Variants in PTPRA observed in about 807,000 individuals in gnomAD.
PTPRA encodes the protein protein tyrosine phosphatase receptor type A.
A neutral mutation model predicts 104.8 loss-of-function variants in PTPRA; 25 were observed. The observed-to-expected ratio is 0.24, with a 90% CI of 0.17 to 0.33. PTPRA has a LOEUF of 0.33. Ranked by LOEUF, PTPRA falls within the 10% of genes least tolerant of loss-of-function variation. The pLI is 1.00. For synonymous variants in PTPRA, 323 were observed against 368.9 expected (o/e 0.88, Z 1.43); for missense variants, 765 against 1,015.3 (o/e 0.75, Z 3.35).
chr20:2,898,377 G>A (rs1183539817), intron 1 of PTPRA, among the ~76,000 whole-genome samples: 3 of 151,582 alleles, frequency 2.0e-5, no homozygotes, highest in Admixed American at 6.6e-5. Flanking sequence ...ACCGCGCCTG[G>A]CAATTTTTCT....
At chr20:2,865,312 CAA>C in the PTPRA span, 3 of 1,614,182 alleles carry the variant, frequency 1.9e-6, no homozygotes, top group Admixed American at 1.7e-5. The surrounding 1 kb of genome is among the most constrained non-coding windows in gnomAD (Gnocchi z 5.2). Flanking sequence ...GCATCCCTGA[CAA>C]GAGGTAGGTG....
intron 3 of PTPRA, among the ~76,000 whole-genome samples, chr20:2,960,939 T>C (rs891776779): frequency 6.6e-6 from 1 of 152,158 alleles, no homozygotes; most frequent in African/African-American, 2.4e-5. Context: ...AAGTTTCTTC[T>C]ACGTATTTTC....
chr20:2,992,180 C>T (rs930124823), intron 9 of PTPRA, among the ~76,000 whole-genome samples: 1 of 152,164 alleles, frequency 6.6e-6, no homozygotes, highest in African/African-American at 2.4e-5. Context: ...TAATGGGATT[C>T]TGCTGGGCAT....
intron 1 of PTPRA, among the ~76,000 whole-genome samples, chr20:2,890,692 T>C (rs1388168148): frequency 6.6e-6 from 1 of 152,208 alleles, no homozygotes; most frequent in Admixed American, 6.5e-5. Context: ...TGATCAACTT[T>C]ACAGTCTTTA....
At chr20:2,890,183 C>T (rs1016170985) in intron 1 of PTPRA, among the ~76,000 whole-genome samples, 7 of 152,024 alleles carry the variant, frequency 4.6e-5, no homozygotes, top group African/African-American at 1.7e-4. Context: ...AGGCATAAGC[C>T]ACCATGCCTG....
At chr20:2,958,433 C>G (rs956578584) in intron 3 of PTPRA, among the ~76,000 whole-genome samples, 1 of 151,712 alleles carries the variant, frequency 6.6e-6, no homozygotes, top group Admixed American at 6.6e-5. Context: ...TGAAGTCATC[C>G]AGGAGAATAG....
chr20:2,963,526 G>A (rs773962623), intron 3 of PTPRA, among the ~76,000 whole-genome samples: 93 of 151,748 alleles, frequency 6.1e-4, no homozygotes, highest in Non-Finnish European at 1.1e-3. Context: ...CCCGGGAGGC[G>A]GAGGTTGCCG....
chr20:2,995,057 G>A (rs1183617281), intron 9 of PTPRA, among the ~76,000 whole-genome samples: 1 of 152,192 alleles, frequency 6.6e-6, no homozygotes, highest in Admixed American at 6.5e-5. Context: ...TTGAACCCGG[G>A]AGGCAGAGGT....
intron 2 of PTPRA, among the ~76,000 whole-genome samples, chr20:2,943,222 C>G (rs892541990): frequency 1.3e-5 from 2 of 148,300 alleles, no homozygotes; most frequent in South Asian, 4.4e-4. Context: ...CACCCCCCCC[C>G]CAGATAAGGG....
chr20:3,016,234 C>CAG (rs1363210532), intron 12 of PTPRA, among the ~76,000 whole-genome samples: 2 of 152,152 alleles, frequency 1.3e-5, no homozygotes, highest in African/African-American at 4.8e-5. Context: ...AATCAGTTTC[C>CAG]AGAGAGGATC....
rs560657441 is a variant in PTPRA, at chr20:2,903,766, T to C, written c.-128-19441T>C. 2.5e-4 allele frequency among the ~76,000 whole-genome samples: 38 copies of C among 152,278 alleles called. No individual in the cohort carries two copies. The South Asian group carries it at 6.2e-3, about 25-fold the overall frequency. Reference sequence around the variant, plus strand: ...TCAGAGGAGGTTTTTACGGAACTTATTTGTGAAATATTTTTAAAGGAAGGA... The same window carrying C: ...TCAGAGGAGGTTTTTACGGAACTTACTTGTGAAATATTTTTAAAGGAAGGA... On this transcript the variant is annotated intron_variant, in intron 1 of 23. Coordinates refer to ENST00000399903, the MANE Select transcript of PTPRA (RefSeq NM_001385305.1).
At chr20:2,963,690 T>C (rs569038500) in intron 3 of PTPRA, among the ~76,000 whole-genome samples, 3 of 152,286 alleles carry the variant, frequency 2.0e-5, no homozygotes, top group Admixed American at 6.5e-5. Context: ...TGAAACTTTT[T>C]GAGCGCAGAC....
chr20:2,967,228 T>C (rs1057392000), intron 5 of PTPRA, among the ~76,000 whole-genome samples: 6 of 152,200 alleles, frequency 3.9e-5, no homozygotes, highest in African/African-American at 1.4e-4. Flanking sequence ...GTCCAAATTG[T>C]GCCACAGCTA....
At chr20:2,898,267 AG>A (rs200941575) in intron 1 of PTPRA, among the ~76,000 whole-genome samples, 2,346 of 143,928 alleles carry the variant, frequency 0.016, 124 homozygotes, top group Admixed American at 0.094. Flanking sequence ...TTTTTAGTAG[AG>A]ACGGGGTTTC....
intron 9 of PTPRA, among the ~76,000 whole-genome samples, chr20:3,000,840 T>C (rs976980550): frequency 3.3e-5 from 5 of 152,020 alleles, no homozygotes; most frequent in Admixed American, 1.3e-4. Flanking sequence ...GTAAAAAATA[T>C]GAGATACAAA....
intron 1 of PTPRA, among the ~76,000 whole-genome samples, chr20:2,906,097 G>A (rs964730716): frequency 6.6e-6 from 1 of 152,062 alleles, no homozygotes; most frequent in African/African-American, 2.4e-5. Context: ...GGATATGATG[G>A]GTTATGGATA....
At chr20:3,016,569 G>A (rs2064464404) in intron 12 of PTPRA, among the ~76,000 whole-genome samples, 1 of 152,164 alleles carries the variant, frequency 6.6e-6, no homozygotes, top group Non-Finnish European at 1.5e-5. Context: ...GCAACATAGT[G>A]AAACCCCGTC....
intron 1 of PTPRA, among the ~76,000 whole-genome samples, chr20:2,885,137 C>T (rs542120586): frequency 1.4e-4 from 22 of 152,302 alleles, no homozygotes; most frequent in African/African-American, 5.1e-4. Flanking sequence ...ACAGAAAGAA[C>T]GCCTGCACCT....
rs1057469903 is a variant in PTPRA, at chr20:2,964,472, A to T, written c.73+122A>T. 41 of 838,162 alleles carry T rather than the reference A, an allele frequency of 4.9e-5. No homozygotes were observed. In the African/African-American group the frequency reaches 6.7e-4, roughly 14 times the overall value. 51.9% of individuals were successfully genotyped at this position (838,162 alleles called of 1,614,324 possible). ...GAATATAAAAATTTTATTCAAAGTG[A>T]TGGTAAAATAGGTGTCTTCAGAAAT... On this transcript the variant is annotated intron_variant, in intron 4 of 23. Transcript: ENST00000399903.
Sources: gnomAD v4.1 joint callset for allele counts (sites outside exome capture counted in the v4.1 genomes callset) on GRCh38, gnomAD v4.1.1 for gene constraint, Gnocchi (gnomAD v3.1) non-coding constraint, MANE v1.5 for transcripts, NCBI Gene and HGNC (gene_info 2026-07-23, HGNC 2026-07-21) for gene names.